ANKS1B: variants seen among roughly 807,000 people sequenced by gnomAD.
ANKS1B encodes ankyrin repeat and sterile alpha motif domain containing 1B.
In ANKS1B, 36 loss-of-function variants were observed where a neutral mutation model predicts 148.3. The observed-to-expected ratio is 0.24, with a 90% confidence interval of 0.19 to 0.32. ANKS1B has a LOEUF of 0.32. ANKS1B is among the 10% of genes least tolerant of loss of function. The pLI, the probability that ANKS1B is intolerant of heterozygous loss-of-function variation, is 1.00. For missense variants in ANKS1B, 1,157 were observed against 1,542.6 expected (o/e 0.75, Z 4.19); for synonymous variants, 542 against 560.8 (o/e 0.97, Z 0.47).
intron 12 of ANKS1B, among the ~76,000 whole-genome samples, chr12:99,271,702 T>C (rs2153989138): frequency 1.0e-5 from 1 of 98,678 alleles, no homozygotes; most frequent in Non-Finnish European, 2.1e-5. Context: ...ATTTACTAAA[T>C]GTTAAAAAGT....
At chr12:99,545,961 C>T (rs1053286332) in intron 9 of ANKS1B, among the ~76,000 whole-genome samples, 3 of 151,846 alleles carry the variant, frequency 2.0e-5, no homozygotes, top group Non-Finnish European at 2.9e-5. Context: ...TATTCTCCTC[C>T]GTTGGAGAAG....
At chr12:99,504,754 G>T in intron 9 of ANKS1B, 113 bp from the exon 10 acceptor site, 1 of 727,640 alleles carries the variant, frequency 1.4e-6, no homozygotes, top group Non-Finnish European at 2.1e-6. Context: ...GTGATTGACA[G>T]CTGATGATTC....
In ANKS1B at chr12:99,393,737, T is replaced by A. The variant is rs1014777923; in HGVS notation, c.1756+5894A>T. ...CAATTATTCCAACCCTCTTCTTTAA[T>A]ACCTTGACTCCAGCAATACTTTGAC... On this transcript the variant is annotated intron_variant, in intron 12 of 26. Transcript: ENST00000683438. 1.2e-4 allele frequency among the ~76,000 whole-genome samples: 19 copies of A among 152,310 alleles called. No homozygotes were observed. The East Asian group carries it at 3.7e-3, about 29-fold the overall frequency.
At chr12:99,598,022 T>C (rs10745862) in intron 9 of ANKS1B, among the ~76,000 whole-genome samples, 83,476 of 151,858 alleles carry the variant, frequency 0.55, 23,224 homozygotes, top group Admixed American at 0.6. Flanking sequence ...TCTTGAATTA[T>C]ATACAAAGTT....
intron 12 of ANKS1B, among the ~76,000 whole-genome samples, chr12:99,328,494 T>G (rs1469771345): frequency 1.3e-5 from 2 of 152,026 alleles, no homozygotes; most frequent in South Asian, 2.1e-4. Flanking sequence ...AGATTAGAAT[T>G]AGGTGGAGTA....
intron 8 of ANKS1B, among the ~76,000 whole-genome samples, chr12:99,658,935 ATG>A (rs1029206763): frequency 6.6e-6 from 1 of 152,194 alleles, no homozygotes; most frequent in Non-Finnish European, 1.5e-5. Context: ...ATCTCCTACA[ATG>A]TGTTGTGCAT....
intron 10 of ANKS1B, among the ~76,000 whole-genome samples, chr12:99,491,578 C>T (rs2096555852): frequency 6.6e-6 from 1 of 151,986 alleles, no homozygotes; most frequent in African/African-American, 2.4e-5. Flanking sequence ...TCTGTTGTTC[C>T]CTTCCTGGTG....
chr12:99,165,060 A>G (rs1474093336), intron 14 of ANKS1B, among the ~76,000 whole-genome samples: 1 of 152,008 alleles, frequency 6.6e-6, no homozygotes, highest in African/African-American at 2.4e-5. Flanking sequence ...GTGAATCACA[A>G]TTTGTGAGAT....
rs141925555 is a variant in ANKS1B, at chr12:99,209,007, A to G, written c.2419+35335T>C. Among the ~76,000 whole-genome samples, 1,312 of 152,272 alleles carry G rather than the reference A, an allele frequency of 8.6e-3. 24 individuals carry two copies. Among genetic ancestry groups the G allele is most frequent in the African/African-American group, 0.03 (1,259 of 41,550 alleles). On this transcript the variant is annotated intron_variant, in intron 14 of 26. Transcript: ENST00000683438. ...GGTTATTTGCATAAATTCAATAAGA[A>G]TTACTCTCTTTATAACATGATACAA... is the stretch of plus-strand genomic sequence containing the variant.
chr12:99,284,114 G>A (rs999795020), intron 12 of ANKS1B, among the ~76,000 whole-genome samples: 11 of 152,108 alleles, frequency 7.2e-5, no homozygotes, highest in South Asian at 2.1e-4. Flanking sequence ...GAGTAACACC[G>A]AAACTTACCT....
chr12:98,872,846 A>G (rs1005457155), intron 17 of ANKS1B, among the ~76,000 whole-genome samples: 2 of 152,134 alleles, frequency 1.3e-5, no homozygotes, highest in Non-Finnish European at 2.9e-5. Flanking sequence ...GTACTTTGTT[A>G]TGGAAGCCCT....
chr12:99,701,799 CT>C (rs2054873658), intron 8 of ANKS1B, among the ~76,000 whole-genome samples: 1 of 152,082 alleles, frequency 6.6e-6, no homozygotes, highest in African/African-American at 2.4e-5. Context: ...CAAAGTTTGT[CT>C]TTCTGTGCCT....
At chr12:99,358,658 C>T (rs1314464333) in intron 12 of ANKS1B, among the ~76,000 whole-genome samples, 3 of 150,428 alleles carry the variant, frequency 2.0e-5, no homozygotes, top group Admixed American at 6.6e-5. Context: ...TTCCTGCCTG[C>T]CCCTCACTGT....
At chr12:98,821,170 T>C (rs1351212695) in intron 19 of ANKS1B, among the ~76,000 whole-genome samples, 1 of 152,184 alleles carries the variant, frequency 6.6e-6, no homozygotes, top group Non-Finnish European at 1.5e-5. Context: ...ACATCAGAGA[T>C]GGGATTTTTC....
At chr12:99,186,942 A>G (rs553977573) in intron 14 of ANKS1B, among the ~76,000 whole-genome samples, 27 of 149,988 alleles carry the variant, frequency 1.8e-4, no homozygotes, top group Non-Finnish European at 3.1e-4. Context: ...CTAAAGGAGC[A>G]TGTTCTAAAT....
intron 12 of ANKS1B, among the ~76,000 whole-genome samples, chr12:99,333,007 T>C (rs2087897984): frequency 6.6e-6 from 1 of 152,028 alleles, no homozygotes; most frequent in African/African-American, 2.4e-5. Flanking sequence ...AAGAAGTCAC[T>C]GAAGGTTTTC....
At chr12:99,657,395 T>C (rs531675793) in intron 8 of ANKS1B, among the ~76,000 whole-genome samples, 2 of 152,258 alleles carry the variant, frequency 1.3e-5, no homozygotes, top group African/African-American at 4.8e-5. Context: ...ATGTAAATAA[T>C]TGCAGTTTAA....
At chr12:99,697,852 CTG>C (rs2054171789) in intron 8 of ANKS1B, among the ~76,000 whole-genome samples, 1 of 152,102 alleles carries the variant, frequency 6.6e-6, no homozygotes, top group Non-Finnish European at 1.5e-5. Flanking sequence ...TATGGGAACT[CTG>C]TACTTTCTGC....
chr12:99,499,347 G>A (rs2096634176), intron 10 of ANKS1B, among the ~76,000 whole-genome samples: 2 of 152,090 alleles, frequency 1.3e-5, no homozygotes. Context: ...AAACCCAAGT[G>A]ATCAAACACA....
Sources: gnomAD v4.1 joint callset for allele counts (sites outside exome capture counted in the v4.1 genomes callset) on GRCh38, gnomAD v4.1.1 for gene constraint, MANE v1.5 for transcripts, NCBI Gene and HGNC (gene_info 2026-07-23, HGNC 2026-07-21) for gene names.